Variants in NAV1 observed in about 807,000 individuals in gnomAD.
The protein encoded by NAV1 is neuron navigator 1, also known as pore membrane and/or filament interacting like protein 3.
NAV1 carries 18 observed loss-of-function variants against 175.2 expected under a neutral mutation model. That is an observed-to-expected ratio of 0.10 (90% CI 0.07 to 0.15). The LOEUF (loss-of-function observed/expected upper bound fraction) is 0.15. Among genes scored for constraint, NAV1 ranks in the 10% least tolerant of loss-of-function variants. The pLI, the probability that NAV1 is intolerant of heterozygous loss-of-function variation, is 1.00. For missense variants in NAV1, 1,731 were observed against 2,436.6 expected (o/e 0.71, Z 6.10); for synonymous variants, 897 against 978.7 (o/e 0.92, Z 1.56).
At chr1:201,646,273 C>T (rs921351459), upstream of NAV1, among the ~76,000 whole-genome samples, 2 of 152,130 alleles carry the variant, frequency 1.3e-5, no homozygotes, top group African/African-American at 2.4e-5. Flanking sequence ...TCCTAATGCT[C>T]GACATAAGCC....
At chr1:201,601,165 T>C (rs1667500072) in intron 2 of NAV1, among the ~76,000 whole-genome samples, 1 of 152,246 alleles carries the variant, frequency 6.6e-6, no homozygotes, top group Non-Finnish European at 1.5e-5. Context: ...GTTGTCTGCA[T>C]GTTTGTGTCT....
At chr1:201,645,101 C>T (rs988088948), upstream of NAV1, among the ~76,000 whole-genome samples, 5 of 152,118 alleles carry the variant, frequency 3.3e-5, no homozygotes, top group East Asian at 1.9e-4. Flanking sequence ...CACATGCACA[C>T]GTATGTTTAT....
At chr1:201,744,622 G>A (rs1159264650) in intron 3 of NAV1, among the ~76,000 whole-genome samples, 2 of 152,148 alleles carry the variant, frequency 1.3e-5, no homozygotes, top group Non-Finnish European at 2.9e-5. Flanking sequence ...GGTCATATGT[G>A]CAGTAACTGA....
chr1:201,636,611 A>G (rs1668625362), intron 2 of NAV1, among the ~76,000 whole-genome samples: 1 of 152,196 alleles, frequency 6.6e-6, no homozygotes, highest in Non-Finnish European at 1.5e-5. Context: ...TCCACGTGAG[A>G]CCAGATGAGC....
In NAV1 at chr1:201,785,301, T is replaced by A. The variant is rs1262449777; in HGVS notation, c.2805-9T>A. 1.3e-6 allele frequency: 2 copies of A among 1,545,000 alleles called. No individual in the cohort carries two copies. Among genetic ancestry groups the A allele is most frequent in the Admixed American group, 3.8e-5 (2 of 52,560 alleles). ...CTCTCTCTTTTTTTTTTTTTTTTTA[T>A]CTCCACAGTAATCAGCGGGATCGGA... On this transcript the variant is annotated splice_polypyrimidine_tract_variant and intron_variant, in intron 7 of 29. Transcript: ENST00000367296.
At chr1:201,632,267 C>T (rs1668499340) in intron 2 of NAV1, among the ~76,000 whole-genome samples, 1 of 152,226 alleles carries the variant, frequency 6.6e-6, no homozygotes, top group African/African-American at 2.4e-5. Flanking sequence ...GACTTGCCTC[C>T]AACCTGGGGC....
chr1:201,596,059 G>A (rs1246981358), intron 2 of NAV1, among the ~76,000 whole-genome samples: 4 of 152,214 alleles, frequency 2.6e-5, no homozygotes, highest in Non-Finnish European at 1.5e-5. Context: ...TGTGATTAAG[G>A]CAAGCGCCTT....
rs778877462 is a variant in NAV1, at chr1:201,810,702, C to T, written c.4741C>T (p.Arg1581Cys). 31 of 1,614,000 alleles carry T rather than the reference C, an allele frequency of 1.9e-5. No individual in the cohort carries two copies. Among genetic ancestry groups the T allele is most frequent in the South Asian group, 4.4e-5 (4 of 91,078 alleles). ...CGAGTACCTGGTGGAGCGCTCTGGC[C>T]GTGAGGTCACAGAGGGCATCGTCAG... The change falls in exon 24 of 30, where the codon CGT (arginine) becomes TGT (cysteine). Residue 1581 changes from arginine (R) to cysteine (C), a missense_variant. Arg to Cys is a radical substitution (Grantham distance 180, BLOSUM62 -3). Coordinates refer to ENST00000367296, the Ensembl canonical transcript of NAV1. This position sits in a 1 kb window ranked among gnomAD's most constrained non-coding sequence, Gnocchi z 6.0.
At chr1:201,623,407 C>A in exon 1 of NAV1, 1 of 985,878 alleles carries the variant, frequency 1.0e-6, no homozygotes, top group Non-Finnish European at 1.2e-6. Context: ...AGGAAAAGAC[C>A]AAAGAGATAT....
rs150150071 is a variant in NAV1 at position 201,572,842 on chromosome 1, T to C, written c.-143-15697T>C. ...ATCCTCATTGCTCAAGTAGATGCCC[T>C]GGGGTAGGGGGTGGTTTCCAGCTGT... On this transcript the variant is annotated intron_variant, in intron 1 of 33. Coordinates refer to the NAV1 transcript ENST00000685211. Among the ~76,000 whole-genome samples, 17 of 152,246 alleles carry C rather than the reference T, an allele frequency of 1.1e-4. No individual in the cohort carries two copies. In the East Asian group the frequency reaches 1.5e-3, roughly 14 times the overall value.
intron 1 of NAV1, among the ~76,000 whole-genome samples, chr1:201,665,590 A>ACCCCCCCCCCCCCCCC (rs3053790): frequency 3.9e-5 from 5 of 128,520 alleles, no homozygotes; most frequent in African/African-American, 1.2e-4. Flanking sequence ...AGAGCACCCC[A>ACCCCCCCCCCCCCCCC]CCCCCCCCAC....
At chr1:201,804,452 T>C in intron 16 of NAV1, 37 bp from the exon 21 acceptor site, 1 of 1,537,072 alleles carries the variant, frequency 6.5e-7, no homozygotes, top group Non-Finnish European at 8.8e-7. Flanking sequence ...TTTTTTTTCC[T>C]TCAAAATGCT....
chr1:201,815,886 G>T (rs1325139058), intron 28 of NAV1, among the ~76,000 whole-genome samples: 1 of 152,018 alleles, frequency 6.6e-6, no homozygotes, highest in Non-Finnish European at 1.5e-5. Context: ...TTACAGGCAT[G>T]TGTCACCACG....
intron 1 of NAV1, among the ~76,000 whole-genome samples, chr1:201,548,169 G>A (rs565043431): frequency 3.3e-5 from 5 of 152,262 alleles, no homozygotes; most frequent in African/African-American, 9.6e-5. Context: ...TCTAAGGCTG[G>A]GATTTAATAA....
intron 1 of NAV1, among the ~76,000 whole-genome samples, chr1:201,709,194 C>T (rs1023891818): frequency 6.6e-6 from 1 of 150,432 alleles, no homozygotes; most frequent in Non-Finnish European, 1.5e-5. Context: ...TTCTCATTAT[C>T]ACAGAGTAGC....
chr1:201,736,410 AT>A (rs1328333595), intron 3 of NAV1, among the ~76,000 whole-genome samples: 1 of 152,066 alleles, frequency 6.6e-6, no homozygotes, highest in Non-Finnish European at 1.5e-5. Flanking sequence ...TTCTTACCCC[AT>A]TCTAACCAAC....
chr1:201,805,116 TTC>T (rs1311021332), intron 17 of NAV1, among the ~76,000 whole-genome samples: 2 of 152,296 alleles, frequency 1.3e-5, no homozygotes, highest in East Asian at 3.9e-4. Flanking sequence ...CATCCAGAAT[TTC>T]TGTTATGAAC....
At chr1:201,766,407 G>A (rs750247770) in intron 3 of NAV1, among the ~76,000 whole-genome samples, 2 of 152,164 alleles carry the variant, frequency 1.3e-5, no homozygotes, top group Non-Finnish European at 2.9e-5. Context: ...GAGTAGGAGA[G>A]GTTACTGACT....
chr1:201,639,766 G>T (rs1334516897), intron 2 of NAV1, among the ~76,000 whole-genome samples: 2 of 152,150 alleles, frequency 1.3e-5, no homozygotes, highest in African/African-American at 4.8e-5. Flanking sequence ...TGAAGGGAGA[G>T]CCTGTGCCCC....
Sources: gnomAD v4.1 joint callset for allele counts (sites outside exome capture counted in the v4.1 genomes callset) on GRCh38, gnomAD v4.1.1 for gene constraint, Gnocchi (gnomAD v3.1) non-coding constraint, MANE v1.5 for transcripts, NCBI Gene and HGNC (gene_info 2026-07-23, HGNC 2026-07-21) for gene names.